ATP1A1: variants seen among roughly 807,000 people sequenced by gnomAD.
ATP1A1 encodes sodium/potassium-transporting ATPase subunit alpha-1.
A neutral mutation model predicts 114.8 loss-of-function variants in ATP1A1; 14 were observed. That is an observed-to-expected ratio of 0.12 (90% CI 0.08 to 0.19). ATP1A1 has a LOEUF of 0.19. Among genes scored for constraint, ATP1A1 ranks in the 10% least tolerant of loss-of-function variants. The probability of loss-of-function intolerance (pLI) is 1.00; values close to 1 mark genes in which losing one functional copy is unlikely to be tolerated. For missense variants in ATP1A1, 524 were observed against 1,290.7 expected, an observed-to-expected ratio of 0.41 and a Z score of 9.10; for synonymous variants, 471 against 466.3, an observed-to-expected ratio of 1.01 and a Z score of -0.13.
chr1:116,403,189 G>A (rs762608844), intron 21 of ATP1A1, among the ~76,000 whole-genome samples: 7 of 152,192 alleles, frequency 4.6e-5, no homozygotes, highest in Non-Finnish European at 8.8e-5. Flanking sequence ...TCTCTTAGCT[G>A]CCTTGTCAGA....
At position 116,395,605 on chromosome 1, in the gene ATP1A1, A is replaced by G. The variant is rs574822462; in HGVS notation, c.1836+320A>G. Among the ~76,000 whole-genome samples, 1 of 152,326 alleles carries G rather than the reference A, an allele frequency of 6.6e-6. No individual in the cohort carries two copies. Among genetic ancestry groups the G allele is most frequent in the African/African-American group, 2.4e-5 (1 of 41,574 alleles). ...TAATGTACCTTATGCAATGAATGGC[A>G]TATCTTCTGTGTTTTCAGTTAACTG... On this transcript the variant is annotated intron_variant, in intron 13 of 22. Coordinates refer to ENST00000295598, the MANE Select transcript of ATP1A1 (RefSeq NM_000701.8). The surrounding 1 kb of genome is among the most constrained non-coding windows in gnomAD (Gnocchi z 6.4).
At chr1:116,400,198 G>C (rs947501787) in intron 18 of ATP1A1, among the ~76,000 whole-genome samples, 1 of 152,252 alleles carries the variant, frequency 6.6e-6, no homozygotes, top group Admixed American at 6.5e-5. Context: ...CTTGGATAAA[G>C]AAGAACAGAT....
Position 116,388,463 on chromosome 1 carries a change from G to A in ATP1A1, c.502-175G>A. ...CTGAATACAGGCACACCATGTAACA[G>A]CAATATCTCTTAAACTGGCGAGCAA... On this transcript the variant is annotated intron_variant, in intron 5 of 22. Transcript: ENST00000295598. The surrounding 1 kb of genome is among the most constrained non-coding windows in gnomAD (Gnocchi z 5.6). The A allele has an allele frequency of 4.0e-6, 4 of 1,001,846 alleles. No individual in the cohort carries two copies. Among genetic ancestry groups the A allele is most frequent in the East Asian group, 2.6e-5 (1 of 38,340 alleles). 62.1% of individuals were successfully genotyped at this position (1,001,846 alleles called of 1,614,324 possible). A position where few individuals can be genotyped will look rare whatever the true frequency, so the allele number is the denominator to read the frequency against.
Position 116,373,750 on chromosome 1 carries a change from T to C in ATP1A1, c.12+227T>C, listed in dbSNP as rs564067238. On this transcript the variant is annotated intron_variant, in intron 1 of 22. Coordinates refer to ENST00000295598, the MANE Select transcript of ATP1A1 (RefSeq NM_000701.8). ...AGCGCCGAGGGGCTGGAGCGCGGCA[T>C]TGCTTAGGGGGGTGGGCGGACCCTG... 19 of 871,084 alleles carry C rather than the reference T, an allele frequency of 2.2e-5. No homozygotes were observed. In the African/African-American group the frequency reaches 3.9e-4, roughly 18 times the overall value. The allele number at this position is 871,084 out of a possible 1,614,324, so 54.0% of individuals were successfully genotyped here. A position where few individuals can be genotyped will look rare whatever the true frequency, so the allele number is the denominator to read the frequency against.
Position 116,392,969 on chromosome 1 carries a change from A to C in ATP1A1, c.1448A>C (p.Asn483Thr). The change falls in exon 11 of 23, where the codon AAC becomes ACC. Residue 483 changes from asparagine to threonine, a missense_variant. Physicochemically the swap from Asn to Thr is moderately conservative, Grantham distance 65 (BLOSUM62 0). Around this residue, in one of 8 missense-constraint regions of ATP1A1, gnomAD observed 143 missense variants for 259.3 expected, o/e 0.55. Transcript: ENST00000295598. ...RYAKIVEIPF[N>T]STNKYQLSIH... The stretch of plus-strand genomic sequence containing the variant: ...GCCAAAATCGTCGAGATACCCTTCA[A>C]CTCCACCAACAAGTACCAGGTCTGA... The C allele has an allele frequency of 6.2e-7, 1 of 1,614,040 alleles. No homozygotes were observed. The highest frequency in any genetic ancestry group is 8.5e-7 in the Non-Finnish European group (1 of 1,180,006).
In ATP1A1 at chr1:116,385,096, C is replaced by A. The variant is rs1353838681; in HGVS notation, c.183+254C>A. 4.7e-6 allele frequency: 2 copies of A among 428,014 alleles called. No individual in the cohort carries two copies. Among genetic ancestry groups the A allele is most frequent in the South Asian group, 2.7e-5 (1 of 37,074 alleles). The allele number at this position is 428,014 out of a possible 1,614,324, so 26.5% of individuals were successfully genotyped here. On this transcript the variant is annotated intron_variant, in intron 3 of 22. Coordinates refer to ENST00000295598, the MANE Select transcript of ATP1A1 (RefSeq NM_000701.8). The surrounding 1 kb of genome is among the most constrained non-coding windows in gnomAD (Gnocchi z 4.3). ...GTTGAGAGCCAGTAAGTGGGAACAC[C>A]AGGACTTGCAGTTGGCTTCAAAGCC...
chr1:116,396,805 G>A, intron 14 of ATP1A1, 71 bp downstream of exon 14: 1 of 1,476,092 alleles, frequency 6.8e-7, no homozygotes, highest in Non-Finnish European at 9.0e-7. Context: ...TCTTCAGCGT[G>A]GTTCTATAAT....
chr1:116,392,529 G>A (rs1455355823), intron 10 of ATP1A1: 1 of 203,852 alleles, frequency 4.9e-6, no homozygotes, highest in Non-Finnish European at 9.8e-6. Context: ...CAGTAGGCCA[G>A]GGGAAGATAG....
rs1262161189 is a variant in ATP1A1 at position 116,385,125 on chromosome 1, C to G, written c.183+283C>G. On this transcript the variant is annotated intron_variant, in intron 3 of 22. Transcript: ENST00000295598. This position sits in a 1 kb window ranked among gnomAD's most constrained non-coding sequence, Gnocchi z 4.3. ...ACTTGCAGTTGGCTTCAAAGCCATGCTTATGCCTTGACCTTTTGATGATAA... is the reference window on the plus strand; with the variant it reads ...ACTTGCAGTTGGCTTCAAAGCCATGGTTATGCCTTGACCTTTTGATGATAA... 5.1e-5 allele frequency: 20 copies of G among 392,766 alleles called. No individual in the cohort carries two copies. In the East Asian group the frequency reaches 1.2e-3, roughly 23 times the overall value. 24.3% of individuals were successfully genotyped at this position (392,766 alleles called of 1,614,324 possible). A position where few individuals can be genotyped will look rare whatever the true frequency, so the allele number is the denominator to read the frequency against.
At position 116,384,956 on chromosome 1, in the gene ATP1A1, C is replaced by G; in HGVS notation, c.183+114C>G. On this transcript the variant is annotated intron_variant, in intron 3 of 22. Coordinates refer to ENST00000295598, the MANE Select transcript of ATP1A1 (RefSeq NM_000701.8). The surrounding 1 kb of genome is among the most constrained non-coding windows in gnomAD (Gnocchi z 5.1). ...GCTCTAGTAAGAAAATGACAGACACCATCTGCGTATCTACCATGTGACATG... is the reference window on the plus strand; with the variant it reads ...GCTCTAGTAAGAAAATGACAGACACGATCTGCGTATCTACCATGTGACATG... 1.0e-6 allele frequency: 1 copy of G among 981,808 alleles called. No individual in the cohort carries two copies. 60.8% of individuals were successfully genotyped at this position (981,808 alleles called of 1,614,324 possible).
chr1:116,400,138 A>C (rs1174219340), intron 18 of ATP1A1, among the ~76,000 whole-genome samples: 1 of 152,240 alleles, frequency 6.6e-6, no homozygotes, highest in Non-Finnish European at 1.5e-5. Context: ...TGGCAAAGCC[A>C]CCATGGATGT....
Position 116,389,199 on chromosome 1 carries a change from A to G in ATP1A1, c.754+180A>G, listed in dbSNP as rs375783352. Among the ~76,000 whole-genome samples the G allele has an allele frequency of 5.9e-4, 89 of 151,682 alleles. No homozygotes were observed. Among genetic ancestry groups the G allele is most frequent in the African/African-American group, 2.1e-3 (86 of 41,310 alleles). On this transcript the variant is annotated intron_variant, in intron 7 of 22. Coordinates refer to ENST00000295598, the MANE Select transcript of ATP1A1 (RefSeq NM_000701.8). The surrounding 1 kb of genome is among the most constrained non-coding windows in gnomAD (Gnocchi z 6.9). The stretch of plus-strand genomic sequence containing the variant: ...CCTTGTGGCAGTTTCCCTTCCCTCC[A>G]CCTCCACCCTGCCTCTTCTGTCAAC...
Position 116,396,578 on chromosome 1 carries a change from C to G in ATP1A1, c.1837-20C>G. The stretch of plus-strand genomic sequence containing the variant: ...ATTTACTTGGCAGTTGCATTCAACA[C>G]ATTGTCTTGTTTATTACAGGTCATC... On this transcript the variant is annotated intron_variant, in intron 13 of 22. Coordinates refer to ENST00000295598, the MANE Select transcript of ATP1A1 (RefSeq NM_000701.8). The G allele has an allele frequency of 6.2e-7, 1 of 1,612,320 alleles. No individual in the cohort carries two copies. The highest frequency in any genetic ancestry group is 8.5e-7 in the Non-Finnish European group (1 of 1,179,244).
At position 116,398,308 on chromosome 1, in the gene ATP1A1, A is replaced by G. The variant is rs79741272; in HGVS notation, c.2124+270A>G. Among the ~76,000 whole-genome samples, 589 of 152,234 alleles carry G rather than the reference A, an allele frequency of 3.9e-3. 3 individuals are homozygous for G. The highest frequency in any genetic ancestry group is 0.013 in the African/African-American group (558 of 41,522). On this transcript the variant is annotated intron_variant, in intron 15 of 22. Coordinates refer to ENST00000295598, the MANE Select transcript of ATP1A1 (RefSeq NM_000701.8). This position sits in a 1 kb window ranked among gnomAD's most constrained non-coding sequence, Gnocchi z 6.1. ...CTGATATGGGGTCCTAGTATTTGCA[A>G]TAGAGATGTGAGTGGTCAGACTACA...
In ATP1A1 at chr1:116,384,066, A is replaced by G; in HGVS notation, c.65A>G (p.Lys22Arg). The part of the protein sequence containing the change: ...PAAVSEQGDK[K>R]GKKGKKDRDM... ...GCTGTTTCAGAACAAGGTGATAAAA[A>G]GGGCAAAAAGGGCAAAAAAGACAGG... The change falls in exon 2 of 23, where the codon AAG (lysine) becomes AGG (arginine). Residue 22 changes from lysine to arginine, a missense_variant. By Grantham distance (26) the Lys-to-Arg change is conservative (BLOSUM62 2). Around this residue, in one of 8 missense-constraint regions of ATP1A1, gnomAD observed 33 missense variants for 31.2 expected, o/e 1.06. Coordinates refer to ENST00000295598, the MANE Select transcript of ATP1A1 (RefSeq NM_000701.8). This position sits in a 1 kb window ranked among gnomAD's most constrained non-coding sequence, Gnocchi z 5.1. 6.2e-7 allele frequency: 1 copy of G among 1,614,068 alleles called. No individual in the cohort carries two copies.
Position 116,393,213 on chromosome 1 carries a change from G to T in ATP1A1, c.1467+225G>T, listed in dbSNP as rs976887255. ...AGCCCTTTTGAATACTTGTGGTTTG[G>T]GGTGGGTGTGGGCATGTGGGGAGGT... On this transcript the variant is annotated intron_variant, in intron 11 of 22. Coordinates refer to ENST00000295598, the MANE Select transcript of ATP1A1 (RefSeq NM_000701.8). This position sits in a 1 kb window ranked among gnomAD's most constrained non-coding sequence, Gnocchi z 5.0. Among the ~76,000 whole-genome samples, 1 of 151,644 alleles carries T rather than the reference G, an allele frequency of 6.6e-6. No individual in the cohort carries two copies. Among genetic ancestry groups the T allele is most frequent in the Non-Finnish European group, 1.5e-5 (1 of 68,014 alleles).
In ATP1A1 at chr1:116,384,864, G is replaced by C. The variant is rs1651977804; in HGVS notation, c.183+22G>C. ...CCGGGTATGTTCTAGTTTGAAAGCTGTTGTACAAAATCCTAGTTTTCCGTA... is the reference window on the plus strand; with the variant it reads ...CCGGGTATGTTCTAGTTTGAAAGCTCTTGTACAAAATCCTAGTTTTCCGTA... On this transcript the variant is annotated intron_variant, in intron 3 of 22. Transcript: ENST00000295598. The surrounding 1 kb of genome is among the most constrained non-coding windows in gnomAD (Gnocchi z 5.1). 1.9e-6 allele frequency: 3 copies of C among 1,611,772 alleles called. No homozygotes were observed. In the South Asian group the frequency reaches 3.3e-5, roughly 18 times the overall value.
chr1:116,401,453 C>T lies in ATP1A1; in HGVS notation c.2850-101C>T, dbSNP rs1653471197. On this transcript the variant is annotated intron_variant, in intron 20 of 22. Coordinates refer to ENST00000295598, the MANE Select transcript of ATP1A1 (RefSeq NM_000701.8). The surrounding 1 kb of genome is among the most constrained non-coding windows in gnomAD (Gnocchi z 4.7). ...CTGACCTCCAAGTTTTCAAGTACAG[C>T]TAATACATAAAGATGTTGATCTGCC... 1.4e-6 allele frequency: 2 copies of T among 1,423,084 alleles called. No homozygotes were observed. Among genetic ancestry groups the T allele is most frequent in the East Asian group, 4.6e-5 (2 of 43,840 alleles). The allele number at this position is 1,423,084 out of a possible 1,614,324, so 88.2% of individuals were successfully genotyped here.
chr1:116,404,344 G>A lies in ATP1A1; in HGVS notation c.3044-72G>A. 1 of 1,600,386 alleles carries A rather than the reference G, an allele frequency of 6.2e-7. No individual in the cohort carries two copies. Among genetic ancestry groups the A allele is most frequent in the African/African-American group, 1.3e-5 (1 of 74,654 alleles). ...CATCCTCCGGTTGGTTTTCATCCCT[G>A]TTTCCCTCTGTAATGCTGGAGCGAG... On this transcript the variant is annotated intron_variant, in intron 22 of 22. Coordinates refer to ENST00000295598, the MANE Select transcript of ATP1A1 (RefSeq NM_000701.8). The surrounding 1 kb of genome is among the most constrained non-coding windows in gnomAD (Gnocchi z 4.8).
Sources: gnomAD v4.1 joint callset for allele counts (sites outside exome capture counted in the v4.1 genomes callset) on GRCh38, gnomAD v4.1.1 for gene constraint, gnomAD v4.1.1 regional missense constraint, Gnocchi (gnomAD v3.1) non-coding constraint, MANE v1.5 for transcripts, NCBI Gene and HGNC (gene_info 2026-07-23, HGNC 2026-07-21) for gene names.